Variants in FAM47E observed in about 807,000 individuals in gnomAD.
FAM47E encodes the protein protein FAM47E.
A neutral mutation model predicts 41.6 loss-of-function variants in FAM47E; 32 were observed. The ratio of observed to expected loss-of-function variants is 0.77; its 90% CI spans 0.58 to 1.03. The LOEUF is 1.03. Ranked by LOEUF, FAM47E falls within the 50% of genes least tolerant of loss-of-function variation. FAM47E has a pLI of 0.00. For missense variants in FAM47E, 424 were observed against 485.4 expected (o/e 0.87, Z 1.19); for synonymous variants, 184 against 188.7 (o/e 0.98, Z 0.20).
chr4:76,217,059 C>T (rs566478710), intron 1 of FAM47E, among the ~76,000 whole-genome samples: 1 of 152,298 alleles, frequency 6.6e-6, no homozygotes, highest in East Asian at 1.9e-4. Context: ...TCTCAATGCC[C>T]TTTGGGACTT....
chr4:76,235,078 G>A (rs1485985955), intron 2 of FAM47E, among the ~76,000 whole-genome samples: 2 of 152,170 alleles, frequency 1.3e-5, no homozygotes, highest in African/African-American at 4.8e-5. Context: ...AGCACTCTGG[G>A]AGGCCGAGGC....
intron 7 of FAM47E, 43 bp downstream of exon 7, chr4:76,280,384 A>G: frequency 8.7e-7 from 1 of 1,147,286 alleles, no homozygotes; most frequent in South Asian, 1.4e-5. Flanking sequence ...GAGGGGCTTC[A>G]TGGCTCACAG....
intron 5 of FAM47E, among the ~76,000 whole-genome samples, chr4:76,275,449 G>T (rs1735055375): frequency 6.6e-6 from 1 of 152,048 alleles, no homozygotes; most frequent in Non-Finnish European, 1.5e-5. Flanking sequence ...TCATCAATTT[G>T]TGTATGCATT....
intron 2 of FAM47E, 128 bp from the exon 3 acceptor site, chr4:76,263,576 A>T (rs1391697271): frequency 9.0e-7 from 1 of 1,115,538 alleles, no homozygotes; most frequent in Non-Finnish European, 1.2e-6. Flanking sequence ...TTGGCACAGA[A>T]GTTGGTGAAC....
At chr4:76,260,470 A>G (rs1485655519) in intron 2 of FAM47E, among the ~76,000 whole-genome samples, 1 of 152,134 alleles carries the variant, frequency 6.6e-6, no homozygotes, top group East Asian at 1.9e-4. Flanking sequence ...GAAAAAGGGC[A>G]CCCTATTCAA....
At chr4:76,283,135 C>G in intron 7 of FAM47E, 1 of 327,870 alleles carries the variant, frequency 3.0e-6, no homozygotes, top group South Asian at 5.1e-5. Context: ...CTATGTTGAG[C>G]TGGGCTGGGC....
chr4:76,256,472 C>T lies in FAM47E; in HGVS notation c.369C>T (p.Thr123=), dbSNP rs1326041507. 1.9e-6 allele frequency: 3 copies of T among 1,551,728 alleles called. No homozygotes were observed. The highest frequency in any genetic ancestry group is 2.6e-6 in the Non-Finnish European group (3 of 1,147,042). The change falls in exon 2 of 8, where the codon ACC becomes ACT. Residue 123 remains threonine, a synonymous_variant. Coordinates refer to ENST00000424749, the MANE Select transcript of FAM47E (RefSeq NM_001136570.3). The part of the protein sequence containing the change: ...AFLEDVEAHL[T]PHPLALYLNL... The stretch of plus-strand genomic sequence containing the variant: ...TGGAGGACGTGGAGGCCCACCTGAC[C>T]CCACATCCCTTAGCGCTCTACCTGA...
At chr4:76,277,687 T>C (rs1295040147) in intron 5 of FAM47E, among the ~76,000 whole-genome samples, 1 of 152,208 alleles carries the variant, frequency 6.6e-6, no homozygotes, top group Non-Finnish European at 1.5e-5. Context: ...ACGTGATTCC[T>C]AGCTGCTTTA....
intron 6 of FAM47E, 70 bp downstream of exon 6, chr4:76,278,294 T>A (rs1434187773): frequency 1.4e-6 from 2 of 1,397,888 alleles, no homozygotes; most frequent in African/African-American, 1.5e-5. Context: ...ACCCTCCTAC[T>A]GAACCAGACT....
intron 3 of FAM47E, among the ~76,000 whole-genome samples, chr4:76,264,364 A>G (rs1207456704): frequency 1.3e-5 from 2 of 151,762 alleles, no homozygotes; most frequent in Non-Finnish European, 2.9e-5. Context: ...GCCTGACCTA[A>G]GCCTTTTTTC....
chr4:76,237,351 GTTT>G (rs71924228), intron 2 of FAM47E, among the ~76,000 whole-genome samples: 328 of 141,824 alleles, frequency 2.3e-3, no homozygotes, highest in Non-Finnish European at 3.8e-3. Context: ...GGGCCTTAGA[GTTT>G]TTTTTTTTTT....
At position 76,276,376 on chromosome 4, in the gene FAM47E, T is replaced by G. The variant is rs1446427700; in HGVS notation, c.871-1693T>G. On this transcript the variant is annotated intron_variant, in intron 5 of 7. Transcript: ENST00000424749. ...GTTACTTTTTTTTGTTTGTTTGTTTTTTTGTTTATTTGGGGAGACAGCGTC... is the reference window on the plus strand; with the variant it reads ...GTTACTTTTTTTTGTTTGTTTGTTTGTTTGTTTATTTGGGGAGACAGCGTC... Among the ~76,000 whole-genome samples, 13 of 151,762 alleles carry G rather than the reference T, an allele frequency of 8.6e-5. No individual in the cohort carries two copies. The East Asian group carries it at 1.5e-3, about 18-fold the overall frequency.
chr4:76,249,575 AT>A (rs148694990), upstream of FAM47E, among the ~76,000 whole-genome samples: 40 of 147,924 alleles, frequency 2.7e-4, no homozygotes, highest in African/African-American at 5.7e-4. Context: ...TTATTTATTT[AT>A]TTTTTTTTTG....
chr4:76,252,968 C>T (rs1734037032), intron 1 of FAM47E, among the ~76,000 whole-genome samples: 1 of 152,154 alleles, frequency 6.6e-6, no homozygotes, highest in African/African-American at 2.4e-5. Context: ...CATATGTATA[C>T]ATAAAGATAC....
upstream of FAM47E, among the ~76,000 whole-genome samples, chr4:76,250,232 A>G (rs996023515): frequency 6.6e-6 from 1 of 152,064 alleles, no homozygotes; most frequent in African/African-American, 2.4e-5. Flanking sequence ...AATTTTTTAA[A>G]TTTTTTGATT....
chr4:76,234,970 ATAG>A (rs996808890), intron 2 of FAM47E, among the ~76,000 whole-genome samples: 8 of 150,792 alleles, frequency 5.3e-5, no homozygotes, highest in Non-Finnish European at 9.0e-5. Context: ...TTAAAGTAAG[ATAG>A]TAGGGACAGG....
At chr4:76,282,840 G>C (rs1735412734) in intron 7 of FAM47E, 1 of 151,778 alleles carries the variant, frequency 6.6e-6, no homozygotes, top group African/African-American at 2.4e-5. Context: ...TCTATCACAG[G>C]GAATAAGATA....
At chr4:76,230,644 TGA>T (rs1267806181) in intron 2 of FAM47E, among the ~76,000 whole-genome samples, 3 of 152,084 alleles carry the variant, frequency 2.0e-5, no homozygotes, top group African/African-American at 4.8e-5. Context: ...CTGGGGTATG[TGA>T]GAGAGAGAGG....
rs547163450 is a variant in FAM47E at position 76,219,303 on chromosome 4, C to T, written c.81+1615C>T. 4.6e-5 allele frequency among the ~76,000 whole-genome samples: 7 copies of T among 152,268 alleles called. No homozygotes were observed. The South Asian group carries it at 1.2e-3, about 27-fold the overall frequency. On this transcript the variant is annotated intron_variant, in intron 2 of 7. Coordinates refer to the FAM47E transcript ENST00000510197. ...AGAATGGAGAGCCAGGAAGGAGTTG[C>T]CAGTCCGGTGGCCAAAAATATACTT...
Sources: gnomAD v4.1 joint callset for allele counts (sites outside exome capture counted in the v4.1 genomes callset) on GRCh38, gnomAD v4.1.1 for gene constraint, MANE v1.5 for transcripts, NCBI Gene and HGNC (gene_info 2026-07-23, HGNC 2026-07-21) for gene names.